LINGO2: variants seen among roughly 807,000 people sequenced by gnomAD.
LINGO2 encodes leucine-rich repeat and immunoglobulin-like domain-containing nogo receptor-interacting protein 2.
Under a neutral mutation model 30.6 loss-of-function variants are expected in LINGO2, and 14 were observed. That is an observed-to-expected ratio of 0.46 (90% CI 0.30 to 0.72). The LOEUF (loss-of-function observed/expected upper bound fraction) is 0.72, where lower values mean the gene tolerates loss of function less well. Ranked by LOEUF, LINGO2 falls within the 30% of genes least tolerant of loss-of-function variation. The pLI is 0.07. For synonymous variants in LINGO2, 317 were observed against 288.5 expected (o/e 1.10, Z -1.00); for missense variants, 729 against 751.7 (o/e 0.97, Z 0.35).
At chr9:28,502,725 A>C (rs1045805804) in intron 1 of LINGO2, among the ~76,000 whole-genome samples, 1 of 152,158 alleles carries the variant, frequency 6.6e-6, no homozygotes, top group African/African-American at 2.4e-5. Context: ...AATGCCACTC[A>C]GCTCTAGAAT....
the LINGO2 span, among the ~76,000 whole-genome samples, chr9:29,169,521 A>G: frequency 5.8e-4 from 87 of 150,448 alleles, no homozygotes; most frequent in Non-Finnish European, 1.1e-3. Context: ...CAAACATATG[A>G]AAAAAAAATA....
chr9:29,011,942 G>C, the LINGO2 span, among the ~76,000 whole-genome samples: 2 of 151,980 alleles, frequency 1.3e-5, no homozygotes, highest in African/African-American at 4.8e-5. Flanking sequence ...AAAATCCGTG[G>C]GGAAAAGGAC....
chr9:28,584,507 A>G (rs983019413), intron 1 of LINGO2, among the ~76,000 whole-genome samples: 3 of 152,038 alleles, frequency 2.0e-5, no homozygotes, highest in Non-Finnish European at 4.4e-5. Flanking sequence ...TTATTGCAGT[A>G]CTCTTGCTTA....
chr9:28,579,939 T>C (rs1824176084), intron 1 of LINGO2, among the ~76,000 whole-genome samples: 1 of 152,136 alleles, frequency 6.6e-6, no homozygotes. Flanking sequence ...TGATCATGCA[T>C]TACCCAAAAA....
chr9:29,149,117 TTAGTA>T, the LINGO2 span, among the ~76,000 whole-genome samples: 1 of 152,162 alleles, frequency 6.6e-6, no homozygotes, highest in East Asian at 1.9e-4. Flanking sequence ...CACAGTTCAT[TTAGTA>T]AAGTTCACTA....
At chr9:28,484,600 C>G (rs931704958) in intron 1 of LINGO2, among the ~76,000 whole-genome samples, 5 of 152,030 alleles carry the variant, frequency 3.3e-5, no homozygotes, top group African/African-American at 7.2e-5. Flanking sequence ...GGATGTACTT[C>G]AATTTGTCAA....
chr9:28,913,309 G>T, the LINGO2 span, among the ~76,000 whole-genome samples: 1 of 151,994 alleles, frequency 6.6e-6, no homozygotes. Flanking sequence ...CAGTGAAATA[G>T]AATTTTATAT....
intron 4 of LINGO2, among the ~76,000 whole-genome samples, chr9:28,191,042 G>A (rs1173811602): frequency 6.6e-6 from 1 of 152,124 alleles, no homozygotes; most frequent in Non-Finnish European, 1.5e-5. Context: ...ATGTCTTAAG[G>A]ATTAAAGCAG....
intron 1 of LINGO2, among the ~76,000 whole-genome samples, chr9:28,548,252 G>C (rs1211311799): frequency 6.6e-6 from 1 of 152,100 alleles, no homozygotes; most frequent in Non-Finnish European, 1.5e-5. Context: ...TGTTACGTAG[G>C]ATAAATGAAG....
the LINGO2 span, among the ~76,000 whole-genome samples, chr9:28,790,325 C>CTTTCTTTTTT: frequency 9.4e-6 from 1 of 106,302 alleles, no homozygotes; most frequent in African/African-American, 3.9e-5. Context: ...TCTTTTCTTT[C>CTTTCTTTTTT]TTTTTTTTTT....
the LINGO2 span, among the ~76,000 whole-genome samples, chr9:28,896,919 G>C: frequency 6.6e-6 from 1 of 152,036 alleles, no homozygotes; most frequent in South Asian, 2.1e-4. Context: ...GTGTAAGAAA[G>C]GATTTCAGGG....
chr9:28,440,246 T>C (rs1479596698), intron 2 of LINGO2, among the ~76,000 whole-genome samples: 1 of 152,142 alleles, frequency 6.6e-6, no homozygotes, highest in Non-Finnish European at 1.5e-5. Context: ...CTGAAAAAAT[T>C]TCTGGAATAC....
At chr9:28,492,398 G>A (rs9298897) in intron 1 of LINGO2, among the ~76,000 whole-genome samples, 106,858 of 152,068 alleles carry the variant, frequency 0.7, 37,799 homozygotes, top group East Asian at 0.84. Context: ...GAATTTTTAG[G>A]AAGAATCCAA....
chr9:28,947,971 T>C, the LINGO2 span, among the ~76,000 whole-genome samples: 1 of 151,978 alleles, frequency 6.6e-6, no homozygotes, highest in Non-Finnish European at 1.5e-5. Context: ...CCTAGCTTCT[T>C]TCAGTAGTGC....
the LINGO2 span, among the ~76,000 whole-genome samples, chr9:28,780,118 A>C: frequency 6.6e-6 from 1 of 152,192 alleles, no homozygotes; most frequent in African/African-American, 2.4e-5. Context: ...TTTTAATAAA[A>C]AATGGACTTG....
downstream of LINGO2, among the ~76,000 whole-genome samples, chr9:27,945,660 A>G (rs1475936642): frequency 6.6e-6 from 1 of 152,144 alleles, no homozygotes; most frequent in Non-Finnish European, 1.5e-5. Context: ...ATGAGCTGTT[A>G]TGCTCTACCA....
At chr9:28,820,405 C>T in the LINGO2 span, among the ~76,000 whole-genome samples, 2 of 152,104 alleles carry the variant, frequency 1.3e-5, no homozygotes, top group East Asian at 3.9e-4. Context: ...CATTCTAAAT[C>T]TCCACTAAAA....
intron 4 of LINGO2, among the ~76,000 whole-genome samples, chr9:28,252,513 T>A (rs552264413): frequency 1.3e-5 from 2 of 152,016 alleles, no homozygotes; most frequent in Non-Finnish European, 2.9e-5. Context: ...GTAGGAACCA[T>A]GGTTGAGAGA....
At chr9:28,904,170 T>TA in the LINGO2 span, among the ~76,000 whole-genome samples, 25,675 of 149,362 alleles carry the variant, frequency 0.17, 2,297 homozygotes, top group East Asian at 0.28. Flanking sequence ...CCTTTTATGA[T>TA]AAAAAAAAAA....
Sources: gnomAD v4.1 joint callset for allele counts (sites outside exome capture counted in the v4.1 genomes callset) on GRCh38, gnomAD v4.1.1 for gene constraint, MANE v1.5 for transcripts, NCBI Gene and HGNC (gene_info 2026-07-23, HGNC 2026-07-21) for gene names.